The following ZNF644 variants were observed in gnomAD, a reference collection of about 807,000 sequenced individuals.
ZNF644 encodes the protein zinc finger motif enhancer binding protein 2.
Under a neutral mutation model 108.0 loss-of-function variants are expected in ZNF644, and 20 were observed. The observed-to-expected ratio is 0.19, with a 90% CI of 0.13 to 0.27. The LOEUF is 0.27. Among genes scored for constraint, ZNF644 ranks in the 10% least tolerant of loss-of-function variants. The pLI is 1.00. For synonymous variants in ZNF644, 542 were observed against 539.1 expected (o/e 1.01, Z -0.08); for missense variants, 1,338 against 1,548.9 (o/e 0.86, Z 2.29).
chr1:90,938,729 T>A lies in ZNF644; in HGVS notation c.2625A>T (p.Glu875Asp). 1 of 1,613,910 alleles carries A rather than the reference T, an allele frequency of 6.2e-7. No homozygotes were observed. Among genetic ancestry groups the A allele is most frequent in the Non-Finnish European group, 8.5e-7 (1 of 1,179,890 alleles). ...GATTAATATCACTATAGGTTTCATC[T>A]TCTATGGCCTGTGTAGTGTAGTCTC... ...ELGDYTTQAIEDETYSDINQE... is the reference protein window; with the variant it reads ...ELGDYTTQAIDDETYSDINQE... Residue 875 changes from glutamate to aspartate, a missense_variant, in exon 3 of 6, where the codon GAA becomes GAT. Glu to Asp is a conservative substitution (Grantham distance 45). Coordinates refer to ENST00000337393, the MANE Select transcript of ZNF644 (RefSeq NM_201269.3). This position sits in a 1 kb window ranked among gnomAD's most constrained non-coding sequence, Gnocchi z 4.2.
chr1:90,949,361 T>G (rs531231383), intron 2 of ZNF644, among the ~76,000 whole-genome samples: 1 of 152,268 alleles, frequency 6.6e-6, no homozygotes, highest in South Asian at 2.1e-4. Flanking sequence ...GCTCAACTTA[T>G]TTTTCTGAAA....
intron 1 of ZNF644, among the ~76,000 whole-genome samples, chr1:90,994,558 G>A (rs916341484): frequency 1.3e-5 from 2 of 152,202 alleles, no homozygotes; most frequent in Admixed American, 1.3e-4. Context: ...TGAAGGGATT[G>A]AGGAAAAAGT....
At chr1:91,012,131 C>T (rs1570583507) in intron 1 of ZNF644, among the ~76,000 whole-genome samples, 1 of 151,994 alleles carries the variant, frequency 6.6e-6, no homozygotes, top group Non-Finnish European at 1.5e-5. Flanking sequence ...GCCATAGTAC[C>T]AAATATCACC....
chr1:90,959,293 A>C (rs572558032), intron 2 of ZNF644, among the ~76,000 whole-genome samples: 1 of 152,148 alleles, frequency 6.6e-6, no homozygotes, highest in South Asian at 2.1e-4. Flanking sequence ...AGAAACAGAG[A>C]CCCTCATACA....
intron 4 of ZNF644, among the ~76,000 whole-genome samples, chr1:90,929,761 C>T (rs1489835884): frequency 2.0e-5 from 3 of 152,182 alleles, no homozygotes; most frequent in Non-Finnish European, 2.9e-5. Context: ...GTACTTGTTA[C>T]AGTCCTGTGT....
chr1:90,930,370 A>C (rs1650596387), intron 4 of ZNF644, among the ~76,000 whole-genome samples: 1 of 152,256 alleles, frequency 6.6e-6, no homozygotes, highest in African/African-American at 2.4e-5. Context: ...CATTAATTTT[A>C]AATGAGTAAC....
At chr1:90,920,538 T>C (rs936144550) in intron 4 of ZNF644, among the ~76,000 whole-genome samples, 1 of 152,064 alleles carries the variant, frequency 6.6e-6, no homozygotes, top group African/African-American at 2.4e-5. Context: ...GGCTTTTTCT[T>C]TAATAGGGAA....
At chr1:90,956,034 A>G (rs980291911) in intron 2 of ZNF644, among the ~76,000 whole-genome samples, 1 of 152,188 alleles carries the variant, frequency 6.6e-6, no homozygotes, top group African/African-American at 2.4e-5. Flanking sequence ...CCTAATTTCA[A>G]TACTGTTGTG....
Position 90,948,117 on chromosome 1 carries a change from A to C in ZNF644, c.45-6808T>G, listed in dbSNP as rs920644764. ...GCAAAGACAATTTCACCATTCAAAA[A>C]ACTGCTATACCTATAAATTTCACAA... On this transcript the variant is annotated intron_variant, in intron 2 of 5. Coordinates refer to ENST00000337393, the MANE Select transcript of ZNF644 (RefSeq NM_201269.3). 2.0e-5 allele frequency among the ~76,000 whole-genome samples: 3 copies of C among 152,198 alleles called. No individual in the cohort carries two copies. In the East Asian group the frequency reaches 5.8e-4, roughly 29 times the overall value.
chr1:91,015,445 C>T (rs1036499821), intron 1 of ZNF644, among the ~76,000 whole-genome samples: 3 of 152,186 alleles, frequency 2.0e-5, no homozygotes, highest in Admixed American at 6.5e-5. Flanking sequence ...TGGGTTTATA[C>T]GTACATTACA....
chr1:91,003,836 A>C (rs574097741), intron 1 of ZNF644, among the ~76,000 whole-genome samples: 8 of 152,280 alleles, frequency 5.3e-5, no homozygotes, highest in African/African-American at 1.7e-4. Flanking sequence ...GCATATTCAA[A>C]TAACTAAAAG....
intron 4 of ZNF644, 112 bp from the exon 5 acceptor site, chr1:90,918,266 C>G: frequency 2.3e-6 from 2 of 856,448 alleles, no homozygotes; most frequent in Non-Finnish European, 3.8e-6. Flanking sequence ...AGAAAAAGTC[C>G]GCATTCATTT....
intron 1 of ZNF644, among the ~76,000 whole-genome samples, chr1:91,005,236 A>G (rs985279244): frequency 1.3e-5 from 2 of 152,178 alleles, no homozygotes; most frequent in Non-Finnish European, 2.9e-5. Flanking sequence ...GCTACTACAG[A>G]GAATGTTTTG....
At chr1:90,936,985 C>T (rs1457283954) in intron 4 of ZNF644, among the ~76,000 whole-genome samples, 2 of 152,168 alleles carry the variant, frequency 1.3e-5, no homozygotes, top group Non-Finnish European at 2.9e-5. Context: ...GGGTTAATCA[C>T]AACAGACACC....
chr1:90,933,045 T>C (rs568547633), intron 4 of ZNF644, among the ~76,000 whole-genome samples: 2 of 152,236 alleles, frequency 1.3e-5, no homozygotes, highest in Non-Finnish European at 2.9e-5. Flanking sequence ...TACATTACTT[T>C]TCTCTCTGAT....
chr1:91,000,406 A>G (rs1570550558), intron 1 of ZNF644, among the ~76,000 whole-genome samples: 2 of 152,326 alleles, frequency 1.3e-5, no homozygotes, highest in East Asian at 3.9e-4. Context: ...GCTCAACTAC[A>G]TGGAAACTGA....
chr1:90,987,400 A>G (rs1301604711), intron 1 of ZNF644, among the ~76,000 whole-genome samples: 1 of 151,964 alleles, frequency 6.6e-6, no homozygotes, highest in Non-Finnish European at 1.5e-5. Flanking sequence ...AATATTATGA[A>G]CAATTATACA....
At chr1:90,942,150 T>C (rs772837837) in intron 2 of ZNF644, among the ~76,000 whole-genome samples, 1 of 152,188 alleles carries the variant, frequency 6.6e-6, no homozygotes, top group Non-Finnish European at 1.5e-5. Context: ...AAAGCAGTTA[T>C]CCCACTTATG....
At chr1:90,965,066 G>A (rs1377363734) in intron 2 of ZNF644, among the ~76,000 whole-genome samples, 2 of 152,124 alleles carry the variant, frequency 1.3e-5, no homozygotes, top group Non-Finnish European at 2.9e-5. Flanking sequence ...AAGGAGTGAG[G>A]AGAGTAAGTT....
Sources: gnomAD v4.1 joint callset for allele counts (sites outside exome capture counted in the v4.1 genomes callset) on GRCh38, gnomAD v4.1.1 for gene constraint, Gnocchi (gnomAD v3.1) non-coding constraint, MANE v1.5 for transcripts, NCBI Gene and HGNC (gene_info 2026-07-23, HGNC 2026-07-21) for gene names.